LAMB4: variants seen among roughly 807,000 people sequenced by gnomAD.
LAMB4 encodes laminin subunit beta-4.
Under a neutral mutation model 199.2 loss-of-function variants are expected in LAMB4, and 196 were observed. The ratio of observed to expected loss-of-function variants is 0.98; its 90% CI spans 0.88 to 1.11. The LOEUF is 1.11. Among genes scored for constraint, LAMB4 ranks in the 50% least tolerant of loss-of-function variants. LAMB4 has a pLI of 0.00. For missense variants in LAMB4, 2,080 were observed against 2,171.2 expected (o/e 0.96, Z 0.83); for synonymous variants, 744 against 770.6 (o/e 0.97, Z 0.57).
intron 18 of LAMB4, 111 bp downstream of exon 18, chr7:108,069,597 A>T: frequency 1.1e-6 from 1 of 890,170 alleles, no homozygotes; most frequent in Admixed American, 2.2e-5. Context: ...TCATTGAGTG[A>T]TGGGTATTTT....
At chr7:108,122,042 T>A (rs2038618267) in intron 2 of LAMB4, among the ~76,000 whole-genome samples, 1 of 152,200 alleles carries the variant, frequency 6.6e-6, no homozygotes, top group Non-Finnish European at 1.5e-5. Flanking sequence ...AATGTACGAT[T>A]GATTGCAGTG....
intron 1 of LAMB4, among the ~76,000 whole-genome samples, chr7:108,125,272 G>C (rs1428354627): frequency 6.6e-6 from 1 of 152,100 alleles, no homozygotes. Flanking sequence ...TTTCTCACAG[G>C]CAAGTCAGGA....
At chr7:108,031,588 C>T (rs2035043439) in intron 31 of LAMB4, among the ~76,000 whole-genome samples, 2 of 151,960 alleles carry the variant, frequency 1.3e-5, no homozygotes, top group African/African-American at 2.4e-5. Flanking sequence ...ACAACCTATG[C>T]AGTATTCCTA....
intron 16 of LAMB4, 48 bp downstream of exon 16, chr7:108,078,153 C>A (rs2036776211): frequency 3.1e-6 from 4 of 1,292,446 alleles, no homozygotes; most frequent in Non-Finnish European, 4.4e-6. Context: ...GATAAGTGAA[C>A]AAAATTCTAA....
chr7:108,130,055 A>G (rs770038011), intron 1 of LAMB4, among the ~76,000 whole-genome samples: 1 of 152,244 alleles, frequency 6.6e-6, no homozygotes, highest in African/African-American at 2.4e-5. Context: ...TTCAAGGTAC[A>G]GTAAGGCTCA....
At chr7:108,125,078 T>C (rs1394417937) in intron 1 of LAMB4, among the ~76,000 whole-genome samples, 1 of 152,212 alleles carries the variant, frequency 6.6e-6, no homozygotes, top group East Asian at 1.9e-4. Flanking sequence ...AGTCCTCCCA[T>C]AGTAGCTCCA....
intron 25 of LAMB4, among the ~76,000 whole-genome samples, chr7:108,055,187 G>GT (rs371917253): frequency 0.037 from 5,100 of 138,460 alleles, 128 homozygotes; most frequent in East Asian, 0.14. Flanking sequence ...ATTTCCAGCT[G>GT]TTTTTTTTTT....
chr7:108,088,653 A>G (rs778397352), intron 14 of LAMB4, among the ~76,000 whole-genome samples: 23 of 152,184 alleles, frequency 1.5e-4, no homozygotes, highest in Non-Finnish European at 2.8e-4. Flanking sequence ...ATTCTTATTC[A>G]TAGTTTCATC....
chr7:108,068,301 T>C, intron 18 of LAMB4, 142 bp from the exon 19 acceptor site: 7 of 826,494 alleles, frequency 8.5e-6, no homozygotes, highest in Non-Finnish European at 1.1e-5. Flanking sequence ...AGGAATAATA[T>C]AGAATCTGCC....
chr7:108,101,902 G>A (rs2037826234), intron 10 of LAMB4, among the ~76,000 whole-genome samples: 1 of 152,130 alleles, frequency 6.6e-6, no homozygotes, highest in Admixed American at 6.5e-5. Context: ...TTTGATTAGT[G>A]AAAATTAAAG....
chr7:108,036,002 G>A (rs1192341684), intron 30 of LAMB4, among the ~76,000 whole-genome samples: 3 of 151,754 alleles, frequency 2.0e-5, no homozygotes, highest in Non-Finnish European at 4.4e-5. Context: ...GGGATTACAG[G>A]TGCATGCCAC....
At chr7:108,025,429 TTTC>T (rs2034805754) in intron 33 of LAMB4, among the ~76,000 whole-genome samples, 1 of 123,264 alleles carries the variant, frequency 8.1e-6, no homozygotes, top group Non-Finnish European at 1.5e-5. Context: ...TCTTTCTTTC[TTTC>T]TTTTTTTTTT....
At chr7:108,035,365 A>G (rs1035751729) in intron 30 of LAMB4, among the ~76,000 whole-genome samples, 1 of 151,908 alleles carries the variant, frequency 6.6e-6, no homozygotes, top group East Asian at 1.9e-4. Context: ...ATATAGTGAA[A>G]CCCCATCTCT....
At chr7:108,106,376 C>A (rs1347261179) in intron 7 of LAMB4, 133 bp downstream of exon 7, 2 of 640,668 alleles carry the variant, frequency 3.1e-6, no homozygotes, top group Admixed American at 5.9e-5. Flanking sequence ...TGAGATCACA[C>A]CACTGCACTC....
At chr7:108,070,996 C>T (rs1323575051) in intron 17 of LAMB4, among the ~76,000 whole-genome samples, 2 of 152,192 alleles carry the variant, frequency 1.3e-5, no homozygotes, top group African/African-American at 4.8e-5. Flanking sequence ...ACATTTAGTG[C>T]TCAAGAAGGA....
intron 1 of LAMB4, among the ~76,000 whole-genome samples, chr7:108,123,803 T>A (rs1011945453): frequency 6.6e-6 from 1 of 152,240 alleles, no homozygotes; most frequent in African/African-American, 2.4e-5. Flanking sequence ...ACAAATGCAC[T>A]TTTAATTAGT....
In LAMB4 at chr7:108,069,720, C is replaced by A; in HGVS notation, c.2290G>T (p.Asp764Tyr). 3 of 1,613,648 alleles carry A rather than the reference C, an allele frequency of 1.9e-6. No individual in the cohort carries two copies. Among genetic ancestry groups the A allele is most frequent in the Non-Finnish European group, 2.5e-6 (3 of 1,179,670 alleles). Residue 764 changes from aspartate (D) to tyrosine (Y), a missense_variant, in exon 18 of 34, where the codon GAT (aspartate) becomes TAT (tyrosine). Asp to Tyr is a radical substitution (Grantham distance 160, BLOSUM62 -3). Coordinates refer to ENST00000388781, the MANE Select transcript of LAMB4 (RefSeq NM_007356.3). ...AACAGATACTTACCCACAGCCCCATCATGCAGCTTGGCAGACATGCTGATG... is the reference window on the plus strand; with the variant it reads ...AACAGATACTTACCCACAGCCCCATAATGCAGCTTGGCAGACATGCTGATG... ...LIISMSAKLH[D>Y]GAVACKCHPQ...
At chr7:108,042,235 A>G (rs1364187228) in intron 29 of LAMB4, among the ~76,000 whole-genome samples, 1 of 152,168 alleles carries the variant, frequency 6.6e-6, no homozygotes, top group East Asian at 1.9e-4. Context: ...AGTTTCTTGT[A>G]AGAAACAGGA....
At chr7:108,096,409 G>T (rs1320291455) in intron 11 of LAMB4, among the ~76,000 whole-genome samples, 1 of 152,124 alleles carries the variant, frequency 6.6e-6, no homozygotes, top group African/African-American at 2.4e-5. Flanking sequence ...TCATCCATCA[G>T]TGGATACTTG....
Sources: allele counts gnomAD v4.1 joint callset (sites outside exome capture counted in the v4.1 genomes callset), GRCh38; gene constraint gnomAD v4.1.1; transcripts MANE v1.5; gene names NCBI Gene and HGNC (gene_info 2026-07-23, HGNC 2026-07-21).